Variants in RARB observed in about 807,000 individuals in gnomAD.
The protein encoded by RARB is HBV-activated protein.
A neutral mutation model predicts 51.9 loss-of-function variants in RARB; 17 were observed. The ratio of observed to expected loss-of-function variants is 0.33; its 90% confidence interval spans 0.22 to 0.49. The LOEUF is 0.49. RARB is among the 20% of genes least tolerant of loss of function. RARB has a pLI of 0.99. For missense variants in RARB, 369 were observed against 550.8 expected, an observed-to-expected ratio of 0.67 and a Z score of 3.30; for synonymous variants, 215 against 195.4, an observed-to-expected ratio of 1.10 and a Z score of -0.84.
At chr3:24,944,924 T>G (rs55964723) in intron 2 of RARB, among the ~76,000 whole-genome samples, 28,420 of 152,108 alleles carry the variant, frequency 0.19, 3,385 homozygotes, top group East Asian at 0.34. Context: ...ATTAAGGGTT[T>G]GGAGGAGCTT....
chr3:24,982,858 A>C (rs2125427164), intron 2 of RARB, among the ~76,000 whole-genome samples: 1 of 152,226 alleles, frequency 6.6e-6, no homozygotes, highest in South Asian at 2.1e-4. Flanking sequence ...ATATCCTACA[A>C]AGTATGAAAT....
intron 1 of RARB, among the ~76,000 whole-genome samples, chr3:24,850,745 G>C (rs1049341869): frequency 6.6e-6 from 1 of 152,174 alleles, no homozygotes; most frequent in Non-Finnish European, 1.5e-5. Context: ...CTAGCGCATA[G>C]GAATCACCTG....
At chr3:25,335,213 G>C (rs987189475) in intron 5 of RARB, among the ~76,000 whole-genome samples, 9 of 152,100 alleles carry the variant, frequency 5.9e-5, no homozygotes, top group African/African-American at 2.2e-4. Context: ...GAGTGCTTTG[G>C]TGTGTGGCAC....
chr3:25,548,278 C>T (rs1253528664), intron 3 of RARB, among the ~76,000 whole-genome samples: 1 of 152,000 alleles, frequency 6.6e-6, no homozygotes, highest in Non-Finnish European at 1.5e-5. Context: ...CACACTGGCT[C>T]CAGATTGATT....
intron 2 of RARB, among the ~76,000 whole-genome samples, chr3:24,912,898 C>CCAT (rs1298139730): frequency 6.6e-6 from 1 of 150,710 alleles, no homozygotes; most frequent in Non-Finnish European, 1.5e-5. Flanking sequence ...GAAAATTATC[C>CCAT]CATACAGGTA....
intron 5 of RARB, among the ~76,000 whole-genome samples, chr3:25,374,409 C>T (rs1207319299): frequency 6.6e-6 from 1 of 152,088 alleles, no homozygotes; most frequent in Non-Finnish European, 1.5e-5. Context: ...GAAAGACCAA[C>T]AAGGCATGAT....
chr3:25,044,015 C>T (rs918315971), intron 2 of RARB, among the ~76,000 whole-genome samples: 6 of 148,510 alleles, frequency 4.0e-5, no homozygotes, highest in African/African-American at 1.5e-4. Context: ...GCAGACCTCT[C>T]AGGTTTTCCC....
chr3:25,480,436 C>A (rs536869049), intron 2 of RARB, among the ~76,000 whole-genome samples: 47 of 152,328 alleles, frequency 3.1e-4, no homozygotes, highest in Admixed American at 2.7e-3. Flanking sequence ...TTCTCTTTCC[C>A]TTTCCCTTTA....
chr3:25,448,445 A>G (rs191742112), intron 1 of RARB, among the ~76,000 whole-genome samples: 422 of 152,304 alleles, frequency 2.8e-3, no homozygotes, highest in African/African-American at 9.5e-3. Context: ...GAACAGTTCT[A>G]TATAGAAACT....
intron 5 of RARB, among the ~76,000 whole-genome samples, chr3:25,339,364 G>T (rs1705154790): frequency 6.6e-6 from 1 of 152,144 alleles, no homozygotes; most frequent in South Asian, 2.1e-4. Flanking sequence ...CCAGCTGTTT[G>T]AACCATGTTC....
chr3:25,227,364 A>C (rs1002893748), intron 5 of RARB, among the ~76,000 whole-genome samples: 2 of 152,222 alleles, frequency 1.3e-5, no homozygotes, highest in Non-Finnish European at 2.9e-5. Context: ...TTATGAAAGC[A>C]CTACAGAAAT....
chr3:25,252,044 G>A (rs910796338), intron 5 of RARB, among the ~76,000 whole-genome samples: 4 of 152,080 alleles, frequency 2.6e-5, no homozygotes, highest in Non-Finnish European at 5.9e-5. Context: ...TATGATGTGA[G>A]ATAGGGGTCT....
At chr3:25,552,857 G>A (rs1439246919) in intron 3 of RARB, among the ~76,000 whole-genome samples, 1 of 152,130 alleles carries the variant, frequency 6.6e-6, no homozygotes, top group East Asian at 1.9e-4. Flanking sequence ...AGAGTGTTGA[G>A]TGAATGGGGG....
chr3:25,569,627 C>T (rs971433399), intron 3 of RARB, 131 bp from the exon 4 acceptor site: 13 of 1,084,676 alleles, frequency 1.2e-5, no homozygotes, highest in African/African-American at 1.6e-5. Flanking sequence ...GTGTTATTAC[C>T]ACCTCTTCCC....
chr3:25,302,816 C>T (rs778783184), intron 5 of RARB, among the ~76,000 whole-genome samples: 2 of 152,214 alleles, frequency 1.3e-5, no homozygotes, highest in Admixed American at 6.5e-5. Flanking sequence ...GCTGTGCCCC[C>T]ATGGAAATCA....
At chr3:25,306,136 G>A (rs1340254663) in intron 5 of RARB, among the ~76,000 whole-genome samples, 1 of 152,146 alleles carries the variant, frequency 6.6e-6, no homozygotes, top group East Asian at 1.9e-4. Flanking sequence ...TATGCACCAG[G>A]AAGTCCAGTG....
chr3:25,027,610 G>T (rs1697776045), intron 2 of RARB, among the ~76,000 whole-genome samples: 1 of 82,804 alleles, frequency 1.2e-5, no homozygotes, highest in African/African-American at 4.4e-5. Flanking sequence ...TACACTTTAT[G>T]GAAAGGAAAA....
intron 2 of RARB, among the ~76,000 whole-genome samples, chr3:24,991,366 C>T (rs1009932530): frequency 1.3e-5 from 2 of 151,520 alleles, no homozygotes; most frequent in African/African-American, 4.9e-5. Flanking sequence ...TCACTTGAAC[C>T]TGGGAGGTAG....
chr3:25,159,567 T>C (rs529764168), intron 4 of RARB, among the ~76,000 whole-genome samples: 5 of 152,304 alleles, frequency 3.3e-5, no homozygotes, highest in Non-Finnish European at 7.4e-5. Flanking sequence ...CTTGGAAATA[T>C]ATTCTGGTTG....
Sources: allele counts gnomAD v4.1 joint callset (sites outside exome capture counted in the v4.1 genomes callset), GRCh38; gene constraint gnomAD v4.1.1; transcripts MANE v1.5; gene names NCBI Gene and HGNC (gene_info 2026-07-23, HGNC 2026-07-21).